The following ROBO1 variants were observed in gnomAD, a reference collection of about 807,000 sequenced individuals.
The protein encoded by ROBO1 is roundabout guidance receptor 1.
Under a neutral mutation model 195.9 loss-of-function variants are expected in ROBO1, and 149 were observed. The observed-to-expected ratio is 0.76, with a 90% CI of 0.67 to 0.87. The LOEUF (loss-of-function observed/expected upper bound fraction) is 0.87. Among genes scored for constraint, ROBO1 ranks in the 40% least tolerant of loss-of-function variants. The pLI, the probability that ROBO1 is intolerant of heterozygous loss-of-function variation, is 0.00. For synonymous variants in ROBO1, 816 were observed against 733.2 expected, an observed-to-expected ratio of 1.11 and a Z score of -1.82; for missense variants, 1,933 against 2,068.3, an observed-to-expected ratio of 0.93 and a Z score of 1.27.
chr3:79,388,656 C>T (rs1287655953), intron 2 of ROBO1, among the ~76,000 whole-genome samples: 1 of 152,098 alleles, frequency 6.6e-6, no homozygotes, highest in Admixed American at 6.6e-5. Context: ...AAATGATATA[C>T]ATATGCACAG....
chr3:79,540,699 T>G (rs190490863), intron 2 of ROBO1, among the ~76,000 whole-genome samples: 1 of 152,126 alleles, frequency 6.6e-6, no homozygotes, highest in Non-Finnish European at 1.5e-5. Flanking sequence ...CTTTGAGAAA[T>G]GTGATCTGAA....
At chr3:79,240,484 T>G (rs2082491849) in intron 2 of ROBO1, among the ~76,000 whole-genome samples, 1 of 152,168 alleles carries the variant, frequency 6.6e-6, no homozygotes, top group African/African-American at 2.4e-5. Flanking sequence ...AACACAAAAC[T>G]TTAATTATTT....
chr3:78,982,882 G>T (rs1286030090), intron 3 of ROBO1, among the ~76,000 whole-genome samples: 2 of 151,958 alleles, frequency 1.3e-5, no homozygotes, highest in Non-Finnish European at 2.9e-5. Context: ...GCCTCCCAAA[G>T]TGTTGGGATT....
chr3:79,691,518 A>G (rs1357617585), intron 1 of ROBO1, among the ~76,000 whole-genome samples: 1 of 151,698 alleles, frequency 6.6e-6, no homozygotes, highest in African/African-American at 2.4e-5. Flanking sequence ...TGAACAATGC[A>G]TTACTACTAT....
chr3:78,727,402 G>A lies in ROBO1; in HGVS notation c.658-9519C>T, dbSNP rs545482659. Among the ~76,000 whole-genome samples, 23 of 152,168 alleles carry A rather than the reference G, an allele frequency of 1.5e-4. No individual in the cohort carries two copies. In the South Asian group the frequency reaches 1.7e-3, roughly 11 times the overall value. Reference sequence around the variant, plus strand: ...AGCACTCTGGGAGGCCGAGGCGGGCGGATCACAAGGTCAGGAGATTGAGAC... The same window carrying A: ...AGCACTCTGGGAGGCCGAGGCGGGCAGATCACAAGGTCAGGAGATTGAGAC... On this transcript the variant is annotated intron_variant, in intron 5 of 30. Transcript: ENST00000464233.
intron 2 of ROBO1, among the ~76,000 whole-genome samples, chr3:79,361,573 T>C (rs2035771598): frequency 6.6e-6 from 1 of 152,046 alleles, no homozygotes; most frequent in African/African-American, 2.4e-5. Context: ...GTAGAAGACA[T>C]TAATAAAGAT....
At chr3:78,600,438 T>G in intron 29 of ROBO1, 129 bp from the exon 30 acceptor site, 1 of 644,866 alleles carries the variant, frequency 1.6e-6, no homozygotes, top group Non-Finnish European at 2.7e-6. Context: ...ATGAGGACAC[T>G]CTATAAGCAT....
At chr3:78,990,701 T>G (rs976249352) in intron 3 of ROBO1, among the ~76,000 whole-genome samples, 7 of 152,136 alleles carry the variant, frequency 4.6e-5, no homozygotes, top group African/African-American at 1.7e-4. Flanking sequence ...CATCTTTAGT[T>G]AGGCTTTATT....
chr3:79,200,035 C>G (rs953457497), intron 2 of ROBO1, among the ~76,000 whole-genome samples: 14 of 151,514 alleles, frequency 9.2e-5, no homozygotes, highest in African/African-American at 3.4e-4. Flanking sequence ...ATAAGGAGGA[C>G]CATCAAAGCT....
intron 1 of ROBO1, among the ~76,000 whole-genome samples, chr3:79,629,878 A>C (rs1945287702): frequency 6.6e-6 from 1 of 152,016 alleles, no homozygotes; most frequent in Non-Finnish European, 1.5e-5. Context: ...CACACAAAAA[A>C]CCAGAAAATC....
At chr3:78,686,544 G>C (rs2081056631) in intron 9 of ROBO1, among the ~76,000 whole-genome samples, 1 of 116,692 alleles carries the variant, frequency 8.6e-6, no homozygotes, top group African/African-American at 3.3e-5. Context: ...GACAGAGCGA[G>C]ACTTTGTCTC....
chr3:78,813,242 GCACACA>G (rs10526078), intron 4 of ROBO1, among the ~76,000 whole-genome samples: 1 of 150,498 alleles, frequency 6.6e-6, no homozygotes, highest in Non-Finnish European at 1.5e-5. Context: ...AGTTTTACAT[GCACACA>G]CACACACACA....
At chr3:79,300,929 A>T (rs1249512318) in intron 2 of ROBO1, among the ~76,000 whole-genome samples, 3 of 152,020 alleles carry the variant, frequency 2.0e-5, no homozygotes, top group Non-Finnish European at 4.4e-5. Flanking sequence ...TAGCTCAGGG[A>T]TTGTAAACGC....
At chr3:79,640,942 C>T (rs1945641290) in intron 1 of ROBO1, among the ~76,000 whole-genome samples, 1 of 152,130 alleles carries the variant, frequency 6.6e-6, no homozygotes, top group Non-Finnish European at 1.5e-5. Context: ...GATTGCTCTT[C>T]CTTCATATTT....
rs945593257 is a variant in ROBO1, at chr3:79,751,010, T to C, written c.-51+16742A>G. Among the ~76,000 whole-genome samples the C allele has an allele frequency of 5.3e-5, 8 of 152,326 alleles. No individual in the cohort carries two copies. In the East Asian group the frequency reaches 9.6e-4, roughly 18 times the overall value. On this transcript the variant is annotated intron_variant, in intron 1 of 30. Transcript: ENST00000464233. The stretch of plus-strand genomic sequence containing the variant: ...AGAGAAATAATTACTTTAAAATAAA[T>C]AATTTCATGTAGATTTGTAGTCTAA...
intron 2 of ROBO1, among the ~76,000 whole-genome samples, chr3:79,365,332 T>C (rs1042008114): frequency 5.3e-5 from 8 of 152,142 alleles, no homozygotes; most frequent in Non-Finnish European, 1.0e-4. Context: ...CCGTACCAAT[T>C]CACACGTATA....
intron 2 of ROBO1, among the ~76,000 whole-genome samples, chr3:79,578,979 C>T (rs984284463): frequency 2.0e-5 from 3 of 152,064 alleles, no homozygotes; most frequent in African/African-American, 7.2e-5. Flanking sequence ...GAGGAGCTTG[C>T]GGATTATGTC....
chr3:79,628,013 G>A (rs1057105668), intron 1 of ROBO1, among the ~76,000 whole-genome samples: 1 of 152,130 alleles, frequency 6.6e-6, no homozygotes, highest in Non-Finnish European at 1.5e-5. Context: ...TGGAAAAGTA[G>A]GAATGCTTTT....
chr3:78,814,479 C>A (rs984980439), intron 4 of ROBO1, among the ~76,000 whole-genome samples: 25 of 151,878 alleles, frequency 1.6e-4, no homozygotes, highest in African/African-American at 6.0e-4. Context: ...CCTCATGTGG[C>A]CAGAGTCTAC....
Sources: allele counts gnomAD v4.1 joint callset (sites outside exome capture counted in the v4.1 genomes callset), GRCh38; gene constraint gnomAD v4.1.1; transcripts MANE v1.5; gene names NCBI Gene and HGNC (gene_info 2026-07-23, HGNC 2026-07-21).